The following GPD1 variants were observed in gnomAD, a reference collection of about 807,000 sequenced individuals.
The protein encoded by GPD1 is glycerol-3-phosphate dehydrogenase 1.
In GPD1, 19 loss-of-function variants were observed where a neutral mutation model predicts 34.4. The ratio of observed to expected loss-of-function variants is 0.55; its 90% CI spans 0.39 to 0.81. GPD1 has a LOEUF of 0.81. GPD1 is among the 30% of genes least tolerant of loss of function. GPD1 has a pLI of 0.00. For synonymous variants in GPD1, 172 were observed against 174.1 expected, an observed-to-expected ratio of 0.99 and a Z score of 0.09; for missense variants, 429 against 447.0, an observed-to-expected ratio of 0.96 and a Z score of 0.36.
chr12:50,104,116 G>C, intron 1 of GPD1, 25 bp downstream of exon 1: 1 of 1,611,068 alleles, frequency 6.2e-7, no homozygotes, highest in Non-Finnish European at 8.5e-7. Context: ...CAAGTGATAT[G>C]GGGGAAGGGT....
chr12:50,107,160 C>CT (rs1565747559), intron 5 of GPD1: 1 of 673,140 alleles, frequency 1.5e-6, no homozygotes. Context: ...CCGTGTGGGA[C>CT]TCCCCACCCT....
chr12:50,108,796 T>C (rs944752020), intron 7 of GPD1, among the ~76,000 whole-genome samples: 2 of 152,218 alleles, frequency 1.3e-5, no homozygotes, highest in African/African-American at 4.8e-5. Flanking sequence ...CTTTGTTATA[T>C]TGGCCCCATT....
chr12:50,105,714 G>A (rs751202719), intron 3 of GPD1, 26 bp downstream of exon 3: 2 of 1,611,844 alleles, frequency 1.2e-6, no homozygotes, highest in African/African-American at 2.7e-5. Flanking sequence ...TCATGTGGAT[G>A]GGGGAGGGTG....
intron 1 of GPD1, 29 bp downstream of exon 1, chr12:50,104,120 G>C: frequency 1.2e-6 from 2 of 1,608,782 alleles, no homozygotes; most frequent in Non-Finnish European, 1.7e-6. Context: ...TGATATGGGG[G>C]AAGGGTAGGC....
intron 7 of GPD1, 98 bp from the exon 8 acceptor site, chr12:50,109,325 G>A: frequency 1.4e-6 from 1 of 710,794 alleles, no homozygotes; most frequent in East Asian, 2.5e-5. Flanking sequence ...CTCCAAGGTG[G>A]GAGGGCAAGG....
chr12:50,105,827 G>A (rs1478994724), intron 3 of GPD1, 139 bp downstream of exon 3: 6 of 868,386 alleles, frequency 6.9e-6, no homozygotes, highest in Non-Finnish European at 7.5e-6. Context: ...GTTGGCTCTG[G>A]AGAGGCTTAG....
At chr12:50,109,366 G>A in intron 7 of GPD1, 57 bp from the exon 8 acceptor site, 1 of 872,748 alleles carries the variant, frequency 1.1e-6, no homozygotes. Context: ...AGTGGGGGTG[G>A]GGGTAGAGTG....
rs563838694 is a variant in GPD1, at chr12:50,107,543, A to G, written c.613-24A>G. ...GGCCTATAGGAGGGGGTCTTTTCTC[A>G]CCTATGACCTCCACTCCTTCAAGAA... On this transcript the variant is annotated intron_variant, in intron 5 of 7. Transcript: ENST00000301149. 3.2e-6 allele frequency: 5 copies of G among 1,580,748 alleles called. No individual in the cohort carries two copies. The Admixed American group carries it at 5.0e-5, about 16-fold the overall frequency.
Position 50,109,614 on chromosome 12 carries a change from G to A in GPD1, c.*95G>A, listed in dbSNP as rs1951008415. On this transcript the variant is annotated 3_prime_UTR_variant, in exon 8 of 8. Coordinates refer to ENST00000301149, the MANE Select transcript of GPD1 (RefSeq NM_005276.4). ...GTCACCAGGATCTCCAGGACTCCCA[G>A]GGAGCAGAGTCTTCTCATCTTTTCA... 1.4e-6 allele frequency: 1 copy of A among 718,142 alleles called. No homozygotes were observed. The highest frequency in any genetic ancestry group is 2.5e-5 in the East Asian group (1 of 39,224). The allele number at this position is 718,142 out of a possible 1,614,324, so 44.5% of individuals were successfully genotyped here.
At chr12:50,105,351 A>C in intron 2 of GPD1, 197 bp from the exon 3 acceptor site, 1 of 603,312 alleles carries the variant, frequency 1.7e-6, no homozygotes. Flanking sequence ...GGACAGCTGG[A>C]GGGAGACAGA....
At position 50,107,574 on chromosome 12, in the gene GPD1, T is replaced by C. The variant is rs1466485864; in HGVS notation, c.620T>C (p.Val207Ala). The change falls in exon 6 of 8, where the codon GTG becomes GCG. Residue 207 changes from valine (V) to alanine (A), a missense_variant. Val to Ala is a moderately conservative substitution (Grantham distance 64). Coordinates refer to ENST00000301149, the MANE Select transcript of GPD1 (RefSeq NM_005276.4). ...VEICGALKNVVAVGAGFCDGL... is the reference protein window; with the variant it reads ...VEICGALKNVAAVGAGFCDGL... ...GACCTCCACTCCTTCAAGAATGTAG[T>C]GGCCGTGGGGGCTGGCTTCTGTGAT... is the stretch of plus-strand genomic sequence containing the variant. 2 of 1,613,618 alleles carry C rather than the reference T, an allele frequency of 1.2e-6. No individual in the cohort carries two copies. Among genetic ancestry groups the C allele is most frequent in the South Asian group, 1.1e-5 (1 of 91,066 alleles).
rs780069987 is a variant in GPD1, at chr12:50,106,839, A to G, written c.534A>G (p.Lys178=). 1.9e-6 allele frequency: 3 copies of G among 1,610,224 alleles called. No individual in the cohort carries two copies. The South Asian group carries it at 3.3e-5, about 18-fold the overall frequency. ...CKDPAQGQLL[K]ELMQTPNFRI... ...ACCCGGCCCAGGGACAACTCCTGAA[A>G]GAGCTGATGCAGACACCAAACTTCC... The change falls in exon 5 of 8, where the codon AAA becomes AAG. Residue 178 remains lysine (K), a synonymous_variant. Transcript: ENST00000301149.
rs34944386 is a variant in GPD1 at position 50,107,639 on chromosome 12, C to T, written c.685C>T (p.Arg229Trp). Residue 229 changes from arginine to tryptophan, a missense_variant, in exon 6 of 8, where the codon CGG becomes TGG. Physicochemically the swap from Arg to Trp is moderately radical, Grantham distance 101. Transcript: ENST00000301149. Reference protein sequence around the residue: ...FGDNTKAAVIRLGLMEMIAFA... With the variant: ...FGDNTKAAVIWLGLMEMIAFA... ...CGACAACACCAAGGCGGCAGTGATC[C>T]GGCTGGGACTCATGGAGATGATAGC... The T allele has an allele frequency of 3.7e-6, 6 of 1,614,094 alleles. No individual in the cohort carries two copies. Among genetic ancestry groups the T allele is most frequent in the South Asian group, 2.2e-5 (2 of 91,076 alleles).
Position 50,108,098 on chromosome 12 carries a change from C to T in GPD1, c.921C>T (p.Tyr307=). ...GGCCCGAGACAGCCCGGGAGCTATA[C>T]AGCATCCTCCAGCACAAGGGCCTGG... ...LQGPETAREL[Y]SILQHKGLVD... The change falls in exon 7 of 8, where the codon TAC becomes TAT. Residue 307 remains tyrosine (Y), a synonymous_variant. Transcript: ENST00000301149. 6.2e-7 allele frequency: 1 copy of T among 1,609,690 alleles called. No homozygotes were observed. The highest frequency in any genetic ancestry group is 8.5e-7 in the Non-Finnish European group (1 of 1,176,392).
intron 1 of GPD1, 24 bp downstream of exon 1, chr12:50,104,115 TG>T (rs1950961142): frequency 1.9e-6 from 3 of 1,611,302 alleles, no homozygotes; most frequent in African/African-American, 1.3e-5. Flanking sequence ...TCAAGTGATA[TG>T]GGGGAAGGGT....
Position 50,109,685 on chromosome 12 carries a change from C to T in GPD1, c.*166C>T. 2 of 581,976 alleles carry T rather than the reference C, an allele frequency of 3.4e-6. No individual in the cohort carries two copies. The highest frequency in any genetic ancestry group is 2.8e-5 in the East Asian group (1 of 35,376). The allele number at this position is 581,976 out of a possible 1,614,324, so 36.1% of individuals were successfully genotyped here. A position where few individuals can be genotyped will look rare whatever the true frequency, so the allele number is the denominator to read the frequency against. ...GGGCCCAGCTACGCACCTGGAGATC[C>T]TGAACTGTCAAGCCACTGGCAGCCT... On this transcript the variant is annotated 3_prime_UTR_variant, in exon 8 of 8. Coordinates refer to ENST00000301149, the MANE Select transcript of GPD1 (RefSeq NM_005276.4).
intron 5 of GPD1, 49 bp from the exon 6 acceptor site, chr12:50,107,518 G>A (rs762548525): frequency 1.5e-6 from 2 of 1,346,306 alleles, no homozygotes; most frequent in Non-Finnish European, 2.1e-6. Flanking sequence ...CTCCACATGG[G>A]GCCTATAGGA....
intron 7 of GPD1, among the ~76,000 whole-genome samples, chr12:50,108,703 C>A (rs1409920864): frequency 6.6e-6 from 1 of 152,148 alleles, no homozygotes; most frequent in Non-Finnish European, 1.5e-5. Flanking sequence ...AGCAGCTGGG[C>A]AAAAGGACAG....
chr12:50,104,798 A>G (rs950467705), intron 2 of GPD1, 47 bp downstream of exon 2: 8 of 1,539,176 alleles, frequency 5.2e-6, no homozygotes, highest in Non-Finnish European at 6.3e-6. Context: ...AGGGAGGGCC[A>G]GGAGTTGGAG....
Sources: gnomAD v4.1 joint callset for allele counts (sites outside exome capture counted in the v4.1 genomes callset) on GRCh38, gnomAD v4.1.1 for gene constraint, MANE v1.5 for transcripts, NCBI Gene and HGNC (gene_info 2026-07-23, HGNC 2026-07-21) for gene names.